The following MDFIC2 variants were observed in gnomAD, a reference collection of about 807,000 sequenced individuals.
The protein encoded by MDFIC2 is MyoD family inhibitor domain containing 2, also known as myoD family inhibitor domain-containing protein 2.
intron 2 of MDFIC2, among the ~76,000 whole-genome samples, chr3:70,306,426 A>G (rs1212508772): frequency 6.6e-6 from 1 of 152,292 alleles, no homozygotes; most frequent in East Asian, 1.9e-4. Context: ...TCGTTTTTAT[A>G]TCATCAAAGA....
At chr3:70,244,408 A>G (rs947615106) in intron 2 of MDFIC2, among the ~76,000 whole-genome samples, 1 of 152,216 alleles carries the variant, frequency 6.6e-6, no homozygotes, top group Non-Finnish European at 1.5e-5. Flanking sequence ...AGGGCATTCT[A>G]TTTGCTACTG....
At chr3:70,300,002 T>C (rs1252140696) in intron 2 of MDFIC2, among the ~76,000 whole-genome samples, 1 of 152,268 alleles carries the variant, frequency 6.6e-6, no homozygotes, top group Non-Finnish European at 1.5e-5. Flanking sequence ...CTCCATACCT[T>C]GGGCCATCAT....
At chr3:70,284,586 T>A (rs1490973894) in intron 2 of MDFIC2, among the ~76,000 whole-genome samples, 1 of 152,172 alleles carries the variant, frequency 6.6e-6, no homozygotes, top group African/African-American at 2.4e-5. Context: ...AATAAGATCA[T>A]GTCCTTTGCA....
At chr3:70,254,529 A>C (rs1163998130) in intron 2 of MDFIC2, among the ~76,000 whole-genome samples, 1 of 152,114 alleles carries the variant, frequency 6.6e-6, no homozygotes, top group Non-Finnish European at 1.5e-5. Flanking sequence ...TCACTTAGAG[A>C]GCTTTTGGAA....
chr3:70,276,022 TGAA>T (rs1019608382), intron 2 of MDFIC2, among the ~76,000 whole-genome samples: 8 of 152,268 alleles, frequency 5.3e-5, no homozygotes, highest in African/African-American at 1.9e-4. Context: ...AATATTTTGA[TGAA>T]GAGCATTTCA....
intron 2 of MDFIC2, among the ~76,000 whole-genome samples, chr3:70,272,736 C>T (rs933540323): frequency 2.0e-5 from 3 of 152,176 alleles, no homozygotes; most frequent in African/African-American, 7.2e-5. Flanking sequence ...AATGTACAAA[C>T]ATTATTATCC....
In MDFIC2 at chr3:70,206,477, C is replaced by CT. The variant is rs994240384; in HGVS notation, c.310+91dup. 98 of 392,398 alleles carry CT rather than the reference C, an allele frequency of 2.5e-4. 1 individual carries two copies. The highest frequency in any genetic ancestry group is 1.4e-3 in the African/African-American group (69 of 48,368). 24.3% of individuals were successfully genotyped at this position (392,398 alleles called of 1,614,324 possible). ...TCTTCGTGTTTAATATTCATAAGGACTTTTTTTTTCCTAACAGCATATGTG... is the reference window on the plus strand; with the variant it reads ...TCTTCGTGTTTAATATTCATAAGGACTTTTTTTTTTCCTAACAGCATATGTG... On this transcript the variant is annotated intron_variant, in intron 3 of 3. Transcript: ENST00000567252.
intron 2 of MDFIC2, among the ~76,000 whole-genome samples, chr3:70,304,286 C>T (rs1253709158): frequency 6.6e-6 from 1 of 152,140 alleles, no homozygotes; most frequent in East Asian, 1.9e-4. Flanking sequence ...ATTTAATTTC[C>T]ATTTCTCTCC....
At chr3:70,285,432 C>A (rs57165563) in intron 2 of MDFIC2, among the ~76,000 whole-genome samples, 9,700 of 152,028 alleles carry the variant, frequency 0.064, 879 homozygotes, top group East Asian at 0.48. Flanking sequence ...GTATATATGC[C>A]ACATTTTCTT....
chr3:70,213,300 C>T (rs1701368441), intron 2 of MDFIC2, among the ~76,000 whole-genome samples: 1 of 151,980 alleles, frequency 6.6e-6, no homozygotes, highest in Admixed American at 6.6e-5. Context: ...AAACAGGTAG[C>T]TTGTTGCTAA....
intron 2 of MDFIC2, among the ~76,000 whole-genome samples, chr3:70,292,295 A>G (rs973725495): frequency 6.6e-6 from 1 of 152,138 alleles, no homozygotes; most frequent in Admixed American, 6.5e-5. Context: ...TTGATTGTTT[A>G]TAATATATAG....
intron 2 of MDFIC2, among the ~76,000 whole-genome samples, chr3:70,309,949 T>G (rs1363838208): frequency 6.6e-6 from 1 of 152,192 alleles, no homozygotes; most frequent in African/African-American, 2.4e-5. Context: ...GATTGGCCTA[T>G]CAATTTCATT....
At position 70,240,053 on chromosome 3, in the gene MDFIC2, A is replaced by G. The variant is rs1412548809; in HGVS notation, c.89-33263T>C. ...GTTAATGATAGTTTTGAGTGCTTCA[A>G]TGCTCAATACATCAGTATGGATTTT... is the stretch of plus-strand genomic sequence containing the variant. On this transcript the variant is annotated intron_variant, in intron 2 of 3. Coordinates refer to ENST00000567252, the MANE Select transcript of MDFIC2 (RefSeq NM_001364677.1). Among the ~76,000 whole-genome samples, 10 of 152,132 alleles carry G rather than the reference A, an allele frequency of 6.6e-5. No homozygotes were observed. In the South Asian group the frequency reaches 1.2e-3, roughly 19 times the overall value.
At chr3:70,271,635 G>C (rs1238751719) in intron 2 of MDFIC2, 1 of 152,188 alleles carries the variant, frequency 6.6e-6, no homozygotes, top group Non-Finnish European at 1.5e-5. Flanking sequence ...ACCCAGCTAA[G>C]AAACTGACTC....
chr3:70,211,638 TC>T (rs1396414126), intron 2 of MDFIC2, among the ~76,000 whole-genome samples: 2 of 136,796 alleles, frequency 1.5e-5, no homozygotes, highest in Non-Finnish European at 3.2e-5. Flanking sequence ...TCCCTTCCCT[TC>T]CCTTTGCCTT....
chr3:70,254,513 T>C (rs1451936687), intron 2 of MDFIC2, among the ~76,000 whole-genome samples: 1 of 152,158 alleles, frequency 6.6e-6, no homozygotes, highest in African/African-American at 2.4e-5. Context: ...TGGGGAAAAT[T>C]AGTTTTCACT....
intron 2 of MDFIC2, among the ~76,000 whole-genome samples, chr3:70,296,149 C>T (rs192046134): frequency 2.6e-5 from 4 of 152,146 alleles, no homozygotes; most frequent in East Asian, 1.9e-4. Flanking sequence ...ATTTTCTTTA[C>T]TTTGTAATAA....
At chr3:70,273,923 C>T (rs1010262313) in intron 2 of MDFIC2, among the ~76,000 whole-genome samples, 1 of 152,024 alleles carries the variant, frequency 6.6e-6, no homozygotes, top group Non-Finnish European at 1.5e-5. Context: ...CCTCCTTGGC[C>T]CCCAGAGCAG....
At chr3:70,212,989 T>G (rs1701365790) in intron 2 of MDFIC2, among the ~76,000 whole-genome samples, 1 of 151,980 alleles carries the variant, frequency 6.6e-6, no homozygotes, top group Admixed American at 6.6e-5. Flanking sequence ...TTGTATTTTG[T>G]GCAGAGACTC....
Sources: gnomAD v4.1 joint callset for allele counts (sites outside exome capture counted in the v4.1 genomes callset) on GRCh38, gnomAD v4.1.1 for gene constraint, MANE v1.5 for transcripts, NCBI Gene and HGNC (gene_info 2026-07-23, HGNC 2026-07-21) for gene names.